PDZD2: variants seen among roughly 807,000 people sequenced by gnomAD.
The protein encoded by PDZD2 is PDZ domain containing 2.
PDZD2 carries 90 observed loss-of-function variants against 220.7 expected under a neutral mutation model. The observed-to-expected ratio is 0.41, with a 90% confidence interval of 0.34 to 0.49. The LOEUF (loss-of-function observed/expected upper bound fraction) is 0.49, where lower values mean the gene tolerates loss of function less well. Ranked by LOEUF, PDZD2 falls within the 20% of genes least tolerant of loss-of-function variation. The pLI is 0.28. For synonymous variants in PDZD2, 1,375 were observed against 1,450.5 expected, an observed-to-expected ratio of 0.95 and a Z score of 1.18; for missense variants, 3,174 against 3,608.5, an observed-to-expected ratio of 0.88 and a Z score of 3.08.
In PDZD2 at chr5:31,763,844, T is replaced by C. The variant is rs141342196; in HGVS notation, c.-360-35045T>C. 5.7e-3 allele frequency among the ~76,000 whole-genome samples: 784 copies of C among 137,100 alleles called. 8 individuals carry two copies. Among genetic ancestry groups the C allele is most frequent in the African/African-American group, 0.021 (723 of 35,102 alleles). 89.9% of individuals were successfully genotyped at this position (137,100 alleles called of 152,430 possible). On this transcript the variant is annotated intron_variant, in intron 1 of 24. Coordinates refer to ENST00000438447, the MANE Select transcript of PDZD2 (RefSeq NM_178140.4). ...TCTGAAAATACAAAGAATTTGAAAG[T>C]AAAGGAGAGGAGGGAGCCCTCTGAT...
chr5:31,849,936 A>G lies in PDZD2; in HGVS notation c.476+50212A>G, dbSNP rs1360260228. Among the ~76,000 whole-genome samples the G allele has an allele frequency of 8.5e-4, 26 of 30,570 alleles. 7 individuals are homozygous for G. Among genetic ancestry groups the G allele is most frequent in the African/African-American group, 4.0e-3 (16 of 4,050 alleles). 20.1% of individuals were successfully genotyped at this position (30,570 alleles called of 152,430 possible). On this transcript the variant is annotated intron_variant, in intron 2 of 24. Transcript: ENST00000438447. ...TATATATACATATATATATATACAC[A>G]TATATATATATACATATATATATAT...
Position 32,088,774 on chromosome 5 carries a change from C to T in PDZD2, c.5326C>T (p.His1776Tyr). ...TGGAGAATCTGTTTTGGAAAACCTC[C>T]ACATCTCTGAAAGTCAAGACCTGGA... Reference protein sequence around the residue: ...KNGESVLENLHISESQDLDDL... With the variant: ...KNGESVLENLYISESQDLDDL... Residue 1776 changes from histidine (H) to tyrosine (Y), a missense_variant, in exon 20 of 25, where the codon CAC becomes TAC. Transcript: ENST00000438447. This position sits in a 1 kb window ranked among gnomAD's most constrained non-coding sequence, Gnocchi z 4.6. 4 of 1,614,020 alleles carry T rather than the reference C, an allele frequency of 2.5e-6. No homozygotes were observed. Among genetic ancestry groups the T allele is most frequent in the Non-Finnish European group, 3.4e-6 (4 of 1,179,922 alleles).
At chr5:32,038,182 T>TAAA (rs547581515) in intron 7 of PDZD2, among the ~76,000 whole-genome samples, 29 of 109,042 alleles carry the variant, frequency 2.7e-4, no homozygotes, top group African/African-American at 1.0e-3. Context: ...TTTCCTCCAT[T>TAAA]AAAAAAAAAA....
intron 5 of PDZD2, among the ~76,000 whole-genome samples, chr5:32,001,258 C>T (rs904529514): frequency 5.3e-5 from 8 of 152,248 alleles, no homozygotes; most frequent in African/African-American, 1.4e-4. Flanking sequence ...GTAGAGAGAG[C>T]GGCAGCTCTT....
chr5:31,700,103 T>C (rs1747551556), intron 1 of PDZD2, among the ~76,000 whole-genome samples: 1 of 151,890 alleles, frequency 6.6e-6, no homozygotes, highest in African/African-American at 2.4e-5. Flanking sequence ...GTGATTTGGC[T>C]CGAATGAGAG....
chr5:31,951,287 CA>C lies in PDZD2; in HGVS notation c.477-31865del, dbSNP rs546833651. On this transcript the variant is annotated intron_variant, in intron 2 of 24. Coordinates refer to ENST00000438447, the MANE Select transcript of PDZD2 (RefSeq NM_178140.4). Reference sequence around the variant, plus strand: ...CTCACTTTGTTGCCCAGAATGAACTCAAACTCCTGGGTTCCAGTGATCCTCC... The same window carrying C: ...CTCACTTTGTTGCCCAGAATGAACTCAACTCCTGGGTTCCAGTGATCCTCC... Among the ~76,000 whole-genome samples, 424 of 152,208 alleles carry C rather than the reference CA, an allele frequency of 2.8e-3. 2 individuals carry two copies. Among genetic ancestry groups the C allele is most frequent in the Non-Finnish European group, 4.7e-3 (317 of 68,000 alleles).
intron 14 of PDZD2, among the ~76,000 whole-genome samples, chr5:32,063,992 A>G (rs1249537584): frequency 6.6e-6 from 1 of 152,190 alleles, no homozygotes; most frequent in Admixed American, 6.5e-5. Context: ...ATTAAGGCCT[A>G]AGAGCCCACT....
intron 6 of PDZD2, among the ~76,000 whole-genome samples, chr5:32,034,519 C>A (rs2112209710): frequency 6.6e-6 from 1 of 152,124 alleles, no homozygotes; most frequent in Middle Eastern, 3.4e-3. Context: ...TGCCACTATG[C>A]ACAGCTAATT....
At chr5:31,845,658 G>A (rs1757543628) in intron 2 of PDZD2, among the ~76,000 whole-genome samples, 1 of 152,218 alleles carries the variant, frequency 6.6e-6, no homozygotes, top group African/African-American at 2.4e-5. Flanking sequence ...GTAAGCACTG[G>A]TTCCAGGTAG....
At chr5:31,652,005 T>TTC (rs1745371036) in intron 1 of PDZD2, among the ~76,000 whole-genome samples, 2 of 149,514 alleles carry the variant, frequency 1.3e-5, no homozygotes, top group African/African-American at 4.9e-5. Context: ...TTTTTTTTTT[T>TTC]TTTTTTTAGT....
rs150950244 is a variant in PDZD2 at position 31,995,422 on chromosome 5, G to C, written c.979-154G>C. On this transcript the variant is annotated intron_variant, in intron 3 of 24. Coordinates refer to ENST00000438447, the MANE Select transcript of PDZD2 (RefSeq NM_178140.4). ...GGACAGCACTGCCAGCCAGAGACTTGGGTCCAATCGGCAGAATTCTTTTCT... is the reference window on the plus strand; with the variant it reads ...GGACAGCACTGCCAGCCAGAGACTTCGGTCCAATCGGCAGAATTCTTTTCT... Among the ~76,000 whole-genome samples the C allele has an allele frequency of 4.1e-3, 624 of 152,262 alleles. 5 individuals are homozygous for C. Among genetic ancestry groups the C allele is most frequent in the African/African-American group, 0.014 (598 of 41,564 alleles).
At chr5:32,073,094 C>A (rs1294637360) in intron 17 of PDZD2, among the ~76,000 whole-genome samples, 4 of 151,982 alleles carry the variant, frequency 2.6e-5, no homozygotes, top group Non-Finnish European at 4.4e-5. Context: ...ATACCGATTT[C>A]TCAGACTTCT....
At chr5:31,950,062 C>T (rs569260854) in intron 2 of PDZD2, among the ~76,000 whole-genome samples, 1 of 152,210 alleles carries the variant, frequency 6.6e-6, no homozygotes, top group East Asian at 1.9e-4. Flanking sequence ...TTACCTCCTC[C>T]GGTGATGTGG....
chr5:32,007,911 C>T (rs988931499), intron 5 of PDZD2, among the ~76,000 whole-genome samples: 13 of 150,446 alleles, frequency 8.6e-5, no homozygotes, highest in African/African-American at 3.2e-4. Context: ...ATGATCTCAC[C>T]TGCGTCTTAC....
At chr5:32,096,669 G>A (rs1743734120) in intron 21 of PDZD2, among the ~76,000 whole-genome samples, 1 of 152,036 alleles carries the variant, frequency 6.6e-6, no homozygotes, top group South Asian at 2.1e-4. Context: ...ATCCAATGAT[G>A]GGGAGGGAGA....
At chr5:32,055,765 A>G (rs1163417196) in intron 10 of PDZD2, among the ~76,000 whole-genome samples, 1 of 152,198 alleles carries the variant, frequency 6.6e-6, no homozygotes, top group Non-Finnish European at 1.5e-5. Flanking sequence ...AGACATGACC[A>G]GGCTTCATTC....
intron 1 of PDZD2, among the ~76,000 whole-genome samples, chr5:31,735,756 C>T (rs183994412): frequency 6.6e-6 from 1 of 152,282 alleles, no homozygotes; most frequent in East Asian, 1.9e-4. Flanking sequence ...ATCATCCTGG[C>T]CAACATGGTG....
intron 2 of PDZD2, among the ~76,000 whole-genome samples, chr5:31,955,370 G>A (rs531002386): frequency 3.3e-5 from 5 of 151,740 alleles, no homozygotes; most frequent in East Asian, 3.9e-4. Context: ...GCATGATCTC[G>A]GCTCACTGCA....
chr5:31,974,118 T>C (rs576540780), intron 2 of PDZD2, among the ~76,000 whole-genome samples: 20 of 152,248 alleles, frequency 1.3e-4, no homozygotes, highest in Middle Eastern at 3.4e-3. Flanking sequence ...GTAGCTGGGA[T>C]TACAGGCACC....
Sources: gnomAD v4.1 joint callset for allele counts (sites outside exome capture counted in the v4.1 genomes callset) on GRCh38, gnomAD v4.1.1 for gene constraint, Gnocchi (gnomAD v3.1) non-coding constraint, MANE v1.5 for transcripts, NCBI Gene and HGNC (gene_info 2026-07-23, HGNC 2026-07-21) for gene names.